The following ABHD12 variants were observed in gnomAD, a reference collection of about 807,000 sequenced individuals.
The protein encoded by ABHD12 is lysophosphatidylserine lipase ABHD12.
In ABHD12, 43 loss-of-function variants were observed where a neutral mutation model predicts 58.3. The ratio of observed to expected loss-of-function variants is 0.74; its 90% CI spans 0.58 to 0.95. The LOEUF (loss-of-function observed/expected upper bound fraction) is 0.95. Among genes scored for constraint, ABHD12 ranks in the 40% least tolerant of loss-of-function variants. The pLI is 0.00. For missense variants in ABHD12, 539 were observed against 537.2 expected (o/e 1.00, Z -0.03); for synonymous variants, 219 against 211.2 (o/e 1.04, Z -0.32).
chr20:25,303,419 G>A (rs2088674588), intron 11 of ABHD12, 131 bp downstream of exon 11: 7 of 1,529,422 alleles, frequency 4.6e-6, no homozygotes, highest in Non-Finnish European at 5.3e-6. Flanking sequence ...TGAGCCTGAC[G>A]TGGCTGGTGC....
chr20:25,306,377 AT>A (rs1311271731), intron 10 of ABHD12, among the ~76,000 whole-genome samples: 7 of 151,688 alleles, frequency 4.6e-5, no homozygotes, highest in African/African-American at 1.5e-4. Flanking sequence ...CTGGCCCACA[AT>A]TTTTTTTGTT....
intron 1 of ABHD12, among the ~76,000 whole-genome samples, chr20:25,341,174 C>T (rs1461094443): frequency 2.6e-5 from 4 of 152,214 alleles, no homozygotes; most frequent in Non-Finnish European, 5.9e-5. Context: ...GGATGGCGCC[C>T]GCACTTGTGC....
chr20:25,340,009 T>C (rs985872975), intron 1 of ABHD12, among the ~76,000 whole-genome samples: 1 of 152,264 alleles, frequency 6.6e-6, no homozygotes, highest in Non-Finnish European at 1.5e-5. Flanking sequence ...GTTCTTATCT[T>C]GTTCCCAAAC....
At chr20:25,350,512 T>C (rs2089583861) in intron 1 of ABHD12, among the ~76,000 whole-genome samples, 1 of 152,204 alleles carries the variant, frequency 6.6e-6, no homozygotes, top group South Asian at 2.1e-4. Flanking sequence ...TGTGCCGCCA[T>C]GTAAGATGTG....
At chr20:25,295,533 G>A, downstream of ABHD12, 1 of 1,512,686 alleles carries the variant, frequency 6.6e-7, no homozygotes, top group Admixed American at 1.7e-5. Context: ...CCTGCCCTGG[G>A]ACTCTCCCCT....
At chr20:25,339,526 C>T in intron 1 of ABHD12, 175 bp from the exon 2 acceptor site, 1 of 1,391,560 alleles carries the variant, frequency 7.2e-7, no homozygotes, top group South Asian at 1.2e-5. Context: ...AATTATTTTA[C>T]ATAGTCTTTT....
chr20:25,309,394 C>T, intron 7 of ABHD12, 52 bp downstream of exon 7: 4 of 1,612,712 alleles, frequency 2.5e-6, no homozygotes, highest in South Asian at 2.2e-5. Flanking sequence ...GCATGGGAGT[C>T]ACCAGGAATA....
chr20:25,338,680 T>C (rs2089412201), intron 2 of ABHD12, among the ~76,000 whole-genome samples: 1 of 152,142 alleles, frequency 6.6e-6, no homozygotes, highest in South Asian at 2.1e-4. Context: ...GAAACCAAAG[T>C]ACTGTGTATC....
Position 25,300,590 on chromosome 20 carries a change from A to C in ABHD12, c.*255T>G. On this transcript the variant is annotated 3_prime_UTR_variant, in exon 13 of 13. Transcript: ENST00000339157. ...CCTGCTGCCATTAAGTCTCCCAACAAGATCTCAGGTTGAGGGGCGGCAAGG... is the reference window on the plus strand; with the variant it reads ...CCTGCTGCCATTAAGTCTCCCAACACGATCTCAGGTTGAGGGGCGGCAAGG... 1 of 1,432,162 alleles carries C rather than the reference A, an allele frequency of 7.0e-7. No homozygotes were observed. Among genetic ancestry groups the C allele is most frequent in the South Asian group, 1.5e-5 (1 of 67,706 alleles). 88.7% of individuals were successfully genotyped at this position (1,432,162 alleles called of 1,614,324 possible). A position where few individuals can be genotyped will look rare whatever the true frequency, so the allele number is the denominator to read the frequency against.
chr20:25,296,973 G>T (rs1272292177), downstream of ABHD12: 1 of 169,364 alleles, frequency 5.9e-6, no homozygotes, highest in Non-Finnish European at 1.3e-5. Context: ...ACAGGGAAGG[G>T]CCAAGCCCCA....
At chr20:25,368,952 C>A (rs1167415208) in intron 1 of ABHD12, among the ~76,000 whole-genome samples, 1 of 152,056 alleles carries the variant, frequency 6.6e-6, no homozygotes, top group Non-Finnish European at 1.5e-5. Flanking sequence ...TTTAGACCCT[C>A]TTTCTATCAA....
At chr20:25,311,892 G>T (rs1457488299) in intron 6 of ABHD12, among the ~76,000 whole-genome samples, 1 of 152,044 alleles carries the variant, frequency 6.6e-6, no homozygotes, top group Non-Finnish European at 1.5e-5. Context: ...ATTTTTAGTA[G>T]AGGCGGGGTT....
At chr20:25,386,550 G>A (rs903459368) in intron 1 of ABHD12, among the ~76,000 whole-genome samples, 12 of 151,670 alleles carry the variant, frequency 7.9e-5, no homozygotes, top group African/African-American at 1.9e-4. Context: ...GTGAGCCACC[G>A]AGCCCGGCCT....
At chr20:25,359,301 G>A (rs1016235740) in intron 1 of ABHD12, among the ~76,000 whole-genome samples, 1 of 149,978 alleles carries the variant, frequency 6.7e-6, no homozygotes, top group African/African-American at 2.4e-5. Context: ...GCGGGCGCCT[G>A]TAGTCCCAGC....
chr20:25,312,661 C>T (rs1219339792), intron 6 of ABHD12, among the ~76,000 whole-genome samples: 2 of 150,548 alleles, frequency 1.3e-5, no homozygotes, highest in Non-Finnish European at 3.0e-5. Flanking sequence ...TGTGAGGAGC[C>T]CCTCTGCCTG....
intron 1 of ABHD12, among the ~76,000 whole-genome samples, chr20:25,379,766 T>TCTG (rs2090000916): frequency 6.6e-6 from 1 of 152,162 alleles, no homozygotes; most frequent in African/African-American, 2.4e-5. Flanking sequence ...TGTCACTCTG[T>TCTG]TGCCCAGACC....
At chr20:25,326,512 G>A (rs1215844517) in intron 2 of ABHD12, among the ~76,000 whole-genome samples, 2 of 152,198 alleles carry the variant, frequency 1.3e-5, no homozygotes, top group African/African-American at 4.8e-5. Context: ...AGAAACCCAT[G>A]GCTGGACTCA....
chr20:25,339,594 G>C (rs766496550), intron 1 of ABHD12: 1 of 1,469,152 alleles, frequency 6.8e-7, no homozygotes, highest in South Asian at 1.1e-5. Flanking sequence ...GAAAGACATA[G>C]AAATAGCTAA....
intron 2 of ABHD12, among the ~76,000 whole-genome samples, chr20:25,330,770 AAACT>A (rs2089259534): frequency 6.6e-6 from 1 of 152,206 alleles, no homozygotes; most frequent in South Asian, 2.1e-4. Flanking sequence ...GTTAGAAGGA[AAACT>A]AACAAACAGA....
Sources: allele counts gnomAD v4.1 joint callset (sites outside exome capture counted in the v4.1 genomes callset), GRCh38; gene constraint gnomAD v4.1.1; transcripts MANE v1.5; gene names NCBI Gene and HGNC (gene_info 2026-07-23, HGNC 2026-07-21).